Variants in CTNNAL1 observed in about 807,000 individuals in gnomAD.
CTNNAL1 encodes the protein catenin alpha like 1, also known as alpha-catulin.
Under a neutral mutation model 93.6 loss-of-function variants are expected in CTNNAL1, and 69 were observed. The ratio of observed to expected loss-of-function variants is 0.74; its 90% CI spans 0.61 to 0.90. The LOEUF (loss-of-function observed/expected upper bound fraction) is 0.90, where lower values mean the gene tolerates loss of function less well. CTNNAL1 is among the 40% of genes least tolerant of loss of function. The pLI, the probability that CTNNAL1 is intolerant of heterozygous loss-of-function variation, is 0.00. For missense variants in CTNNAL1, 836 were observed against 862.0 expected (o/e 0.97, Z 0.38); for synonymous variants, 286 against 305.4 (o/e 0.94, Z 0.66).
Position 108,999,060 on chromosome 9 carries a change from C to G in CTNNAL1, c.331+7G>C. 2 of 1,596,088 alleles carry G rather than the reference C, an allele frequency of 1.3e-6. No homozygotes were observed. The highest frequency in any genetic ancestry group is 1.7e-6 in the Non-Finnish European group (2 of 1,172,514). ...ATGAATAGTCTTCAAAATCAATATC[C>G]ACCTACCTGCTTGTTTAGCTTCAAT... On this transcript the variant is annotated splice_region_variant and intron_variant, in intron 2 of 18. Transcript: ENST00000325551.
chr9:108,949,478 T>G (rs559552610), intron 14 of CTNNAL1, among the ~76,000 whole-genome samples: 1 of 151,924 alleles, frequency 6.6e-6, no homozygotes, highest in Non-Finnish European at 1.5e-5. Context: ...GAGGCCAAGG[T>G]GGGCAGATCA....
intron 4 of CTNNAL1, among the ~76,000 whole-genome samples, chr9:108,986,745 T>C (rs1407808945): frequency 2.6e-5 from 4 of 152,320 alleles, no homozygotes; most frequent in South Asian, 2.1e-4. Context: ...TGGTATCTCA[T>C]TGTGGTTTTG....
intron 12 of CTNNAL1, 57 bp downstream of exon 12, chr9:108,955,733 G>A (rs931263722): frequency 2.1e-6 from 3 of 1,429,770 alleles, no homozygotes; most frequent in Non-Finnish European, 2.9e-6. Flanking sequence ...GGCAACAAGA[G>A]CATAATTTGA....
intron 3 of CTNNAL1, among the ~76,000 whole-genome samples, chr9:108,991,414 A>T (rs1200073961): frequency 6.6e-6 from 1 of 152,188 alleles, no homozygotes; most frequent in Non-Finnish European, 1.5e-5. Flanking sequence ...AATCTGGTAG[A>T]GCCAGTGACT....
At position 108,970,611 on chromosome 9, in the gene CTNNAL1, ATAAACT is replaced by A. The variant is rs998115563; in HGVS notation, c.1348-123_1348-118del. On this transcript the variant is annotated intron_variant, in intron 9 of 18. Coordinates refer to ENST00000325551, the MANE Select transcript of CTNNAL1 (RefSeq NM_003798.4). Reference sequence around the variant, plus strand: ...ATAAAATTTCTTAAAACCTATTAAAATAAACTTAAACATTACTGAGAAGATTATTAT... The same window carrying A: ...ATAAAATTTCTTAAAACCTATTAAAATAAACATTACTGAGAAGATTATTAT... The A allele has an allele frequency of 1.5e-4, 124 of 830,966 alleles. No individual in the cohort carries two copies. The African/African-American group carries it at 1.9e-3, about 13-fold the overall frequency. 51.5% of individuals were successfully genotyped at this position (830,966 alleles called of 1,614,324 possible).
chr9:108,948,065 A>G (rs1457743886), intron 15 of CTNNAL1, 121 bp downstream of exon 15: 3 of 1,145,006 alleles, frequency 2.6e-6, no homozygotes, highest in African/African-American at 3.2e-5. Flanking sequence ...GCTCTCTGTA[A>G]TACACAGGTA....
At chr9:109,008,283 A>G (rs774807347) in intron 1 of CTNNAL1, among the ~76,000 whole-genome samples, 7 of 148,888 alleles carry the variant, frequency 4.7e-5, no homozygotes, top group Non-Finnish European at 1.0e-4. Context: ...CCAGCCTCCC[A>G]AGTAGCTGGA....
intron 5 of CTNNAL1, among the ~76,000 whole-genome samples, chr9:108,983,734 A>T (rs1426373297): frequency 6.6e-6 from 1 of 152,224 alleles, no homozygotes; most frequent in Non-Finnish European, 1.5e-5. Flanking sequence ...GACAAAATAG[A>T]GTCTTCTGAG....
At chr9:108,964,503 T>C (rs1489468050) in intron 11 of CTNNAL1, among the ~76,000 whole-genome samples, 1 of 152,258 alleles carries the variant, frequency 6.6e-6, no homozygotes, top group East Asian at 1.9e-4. Context: ...CCACTCGGTA[T>C]TAAAATAAAG....
intron 10 of CTNNAL1, among the ~76,000 whole-genome samples, chr9:108,969,257 T>C (rs1336485622): frequency 1.3e-5 from 2 of 149,542 alleles, no homozygotes; most frequent in Admixed American, 1.3e-4. Flanking sequence ...GCGACAGAGC[T>C]AGACTCCGTC....
chr9:108,969,381 G>A (rs1029277563), intron 10 of CTNNAL1, among the ~76,000 whole-genome samples: 2 of 151,694 alleles, frequency 1.3e-5, no homozygotes, highest in African/African-American at 4.8e-5. Flanking sequence ...AAAATTATAA[G>A]GACAAATGAA....
Position 108,979,448 on chromosome 9 carries a change from A to T in CTNNAL1, c.934T>A (p.Phe312Ile). 6.2e-7 allele frequency: 1 copy of T among 1,614,106 alleles called. No individual in the cohort carries two copies. Among genetic ancestry groups the T allele is most frequent in the Non-Finnish European group, 8.5e-7 (1 of 1,180,006 alleles). ...ACAGAAAGGTTCTCTTTGGACTGAA[A>T]ATAAAGATTCTCCCGAAGAGCTTCA... ...NIEALRENLY[F>I]QSKENLSVTL... is the part of the protein sequence containing the mutation. The change falls in exon 7 of 19, where the codon TTT (phenylalanine) becomes ATT (isoleucine). Residue 312 changes from phenylalanine (F) to isoleucine (I), a missense_variant. Transcript: ENST00000325551.
intron 1 of CTNNAL1, among the ~76,000 whole-genome samples, chr9:109,011,113 G>C (rs1202462663): frequency 6.6e-6 from 1 of 152,220 alleles, no homozygotes; most frequent in Non-Finnish European, 1.5e-5. Context: ...GTGGACATAT[G>C]AGTTTTCTGG....
intron 14 of CTNNAL1, among the ~76,000 whole-genome samples, chr9:108,949,139 A>G (rs546362758): frequency 3.3e-5 from 5 of 152,380 alleles, no homozygotes; most frequent in South Asian, 2.1e-4. Context: ...AGTAACCTGA[A>G]GAAGGGCTAT....
In CTNNAL1 at chr9:108,998,985, T is replaced by C. The variant is rs1587987935; in HGVS notation, c.331+82A>G. 2.7e-6 allele frequency: 4 copies of C among 1,454,910 alleles called. No homozygotes were observed. The South Asian group carries it at 5.8e-5, about 21-fold the overall frequency. 90.1% of individuals were successfully genotyped at this position (1,454,910 alleles called of 1,614,324 possible). A position where few individuals can be genotyped will look rare whatever the true frequency, so the allele number is the denominator to read the frequency against. The stretch of plus-strand genomic sequence containing the variant: ...ATAATCAAAGAGCTGTATATCTTTA[T>C]TCCAAATAAATCAATAATTTTTCAT... On this transcript the variant is annotated intron_variant, in intron 2 of 18. Coordinates refer to ENST00000325551, the MANE Select transcript of CTNNAL1 (RefSeq NM_003798.4).
At chr9:108,984,782 T>C (rs537461141) in intron 4 of CTNNAL1, among the ~76,000 whole-genome samples, 115 of 152,204 alleles carry the variant, frequency 7.6e-4, no homozygotes, top group Non-Finnish European at 1.4e-3. Context: ...GCCTATGTCT[T>C]ACCTAATTAA....
intron 11 of CTNNAL1, among the ~76,000 whole-genome samples, chr9:108,962,905 A>G (rs1830855721): frequency 6.6e-6 from 1 of 152,224 alleles, no homozygotes; most frequent in Non-Finnish European, 1.5e-5. Context: ...GTTAGGAAAT[A>G]GCAGAGGCAG....
chr9:108,986,545 T>C (rs2132162661), intron 4 of CTNNAL1, among the ~76,000 whole-genome samples: 1 of 152,096 alleles, frequency 6.6e-6, no homozygotes, highest in South Asian at 2.1e-4. Context: ...ATATACCCAG[T>C]AATGGGATGG....
At chr9:108,969,398 T>C (rs1831046169) in intron 10 of CTNNAL1, among the ~76,000 whole-genome samples, 1 of 152,150 alleles carries the variant, frequency 6.6e-6, no homozygotes, top group Non-Finnish European at 1.5e-5. Flanking sequence ...TGAATACCTC[T>C]ACTATAGAAA....
Sources: gnomAD v4.1 joint callset for allele counts (sites outside exome capture counted in the v4.1 genomes callset) on GRCh38, gnomAD v4.1.1 for gene constraint, MANE v1.5 for transcripts, NCBI Gene and HGNC (gene_info 2026-07-23, HGNC 2026-07-21) for gene names.